PPL: variants seen among roughly 807,000 people sequenced by gnomAD.
PPL encodes the protein periplakin, also known as 190 kDa paraneoplastic pemphigus antigen.
In PPL, 198 loss-of-function variants were observed where a neutral mutation model predicts 194.4. That is an observed-to-expected ratio of 1.02 (90% CI 0.91 to 1.15). The LOEUF is 1.15. PPL is among the 50% of genes most tolerant of loss of function. PPL has a pLI of 0.00. For synonymous variants in PPL, 1,220 were observed against 972.4 expected, an observed-to-expected ratio of 1.25 and a Z score of -4.74; for missense variants, 2,885 against 2,294.8, an observed-to-expected ratio of 1.26 and a Z score of -5.25.
Position 4,884,613 on chromosome 16 carries a change from C to A in PPL, c.4042G>T (p.Glu1348Ter). Reference protein sequence around the residue: ...RKEEELSRVKERVVQQEVVRY... With the variant: ...RKEEELSRVK Reference sequence around the variant, plus strand: ...ACCACCTCCTGCTGCACCACCCTTTCCTTCACCCGCGAGAGCTCCTCCTCT... The same window carrying A: ...ACCACCTCCTGCTGCACCACCCTTTACTTCACCCGCGAGAGCTCCTCCTCT... Residue 1348 changes from glutamate (E) to a stop codon, truncating the protein, a stop_gained, in exon 22 of 22, where the codon GAA becomes TAA. Transcript: ENST00000345988. LOFTEE classifies it high-confidence loss of function. This position sits in a 1 kb window ranked among gnomAD's most constrained non-coding sequence, Gnocchi z 5.7. The A allele has an allele frequency of 1.9e-6, 3 of 1,614,192 alleles. No homozygotes were observed. The highest frequency in any genetic ancestry group is 2.5e-6 in the Non-Finnish European group (3 of 1,180,032).
intron 1 of PPL, among the ~76,000 whole-genome samples, chr16:4,914,973 G>A (rs149299514): frequency 3.3e-5 from 5 of 152,290 alleles, no homozygotes; most frequent in South Asian, 2.1e-4. Context: ...ACCTAGAGGC[G>A]GTGAGTCTCA....
In PPL at chr16:4,902,439, C is replaced by T; in HGVS notation, c.405G>A (p.Gln135=). The stretch of plus-strand genomic sequence containing the variant: ...CCTCCACCAGTGCCGCCCAGTTGAC[C>T]TGTGGATCCACTTCCTTCACCGCCA... The part of the protein sequence containing the change: ...YRLAVKEVDP[Q]VNWAALVEEK... The change falls in exon 4 of 22, where the codon CAG becomes CAA. Residue 135 remains glutamine, a synonymous_variant. Coordinates refer to ENST00000345988, the MANE Select transcript of PPL (RefSeq NM_002705.5). The surrounding 1 kb of genome is among the most constrained non-coding windows in gnomAD (Gnocchi z 4.0). 6.2e-7 allele frequency: 1 copy of T among 1,614,128 alleles called. No homozygotes were observed. Among genetic ancestry groups the T allele is most frequent in the South Asian group, 1.1e-5 (1 of 91,054 alleles).
At position 4,885,114 on chromosome 16, in the gene PPL, C is replaced by A. The variant is rs777201772; in HGVS notation, c.3541G>T (p.Asp1181Tyr). The A allele has an allele frequency of 6.2e-7, 1 of 1,613,958 alleles. No homozygotes were observed. The highest frequency in any genetic ancestry group is 8.5e-7 in the Non-Finnish European group (1 of 1,180,020). The change falls in exon 22 of 22, where the codon GAC becomes TAC. Residue 1181 changes from aspartate to tyrosine, a missense_variant. By Grantham distance (160) the Asp-to-Tyr change is radical. Coordinates refer to ENST00000345988, the MANE Select transcript of PPL (RefSeq NM_002705.5). This position sits in a 1 kb window ranked among gnomAD's most constrained non-coding sequence, Gnocchi z 6.3. ...GCCACTTCACTTTCCGCCTTGGGGT[C>A]TGGCCGCACGATCTCCCGCACCTTC... Reference protein sequence around the residue: ...QEKVREIVRPDPKAESEVANL... With the variant: ...QEKVREIVRPYPKAESEVANL...
chr16:4,887,528 G>T (rs1247977776), intron 20 of PPL, among the ~76,000 whole-genome samples: 1 of 152,172 alleles, frequency 6.6e-6, no homozygotes, highest in Admixed American at 6.5e-5. Context: ...GCCCTCCACT[G>T]TACTTACTGA....
At position 4,894,493 on chromosome 16, in the gene PPL, G is replaced by T. The variant is rs370950751; in HGVS notation, c.1368C>A (p.Asp456Glu). The T allele has an allele frequency of 1.2e-4, 187 of 1,613,802 alleles. No individual in the cohort carries two copies. Among genetic ancestry groups the T allele is most frequent in the Non-Finnish European group, 1.5e-4 (180 of 1,179,986 alleles). The change falls in exon 12 of 22, where the codon GAC becomes GAA. Residue 456 changes from aspartate (D) to glutamate (E), a missense_variant. Transcript: ENST00000345988. ...PAVCFVIPPT[D>E]PEALALADSL... ...TGTCAGCCAGAGCCAGGGCCTCAGG[G>T]TCTGTGGGGGGGATCACAAAACACA...
rs776347982 is a variant in PPL at position 4,883,418 on chromosome 16, T to C, written c.5237A>G (p.Gln1746Arg). 1.2e-6 allele frequency: 2 copies of C among 1,614,192 alleles called. No homozygotes were observed. The highest frequency in any genetic ancestry group is 1.3e-5 in the African/African-American group (1 of 75,058). ...CCCAGATACCAAGACCGCCAGCTCC[T>C]GGATGGACATATCCTTGTTGACATA... ...DRYVNKDMSI[Q>R]ELAVLVSGQK Residue 1746 changes from glutamine (Q) to arginine (R), a missense_variant, in exon 22 of 22, where the codon CAG becomes CGG. Coordinates refer to ENST00000345988, the MANE Select transcript of PPL (RefSeq NM_002705.5). This position sits in a 1 kb window ranked among gnomAD's most constrained non-coding sequence, Gnocchi z 4.8.
chr16:4,883,981 T>G lies in PPL; in HGVS notation c.4674A>C (p.Leu1558=), dbSNP rs1046162811. 1.1e-5 allele frequency: 17 copies of G among 1,614,120 alleles called. No individual in the cohort carries two copies. Among genetic ancestry groups the G allele is most frequent in the Non-Finnish European group, 1.4e-5 (17 of 1,180,028 alleles). ...TGTGGTTCTCTTCCCTCAGAAAGTC[T>G]AGTTCCTTGGATGACTTGGAGTTAT... The part of the protein sequence containing the change: ...EFHNSKSSKE[L]DFLREENHKL... The change falls in exon 22 of 22, where the codon CTA becomes CTC. Residue 1558 remains leucine (L), a synonymous_variant. Transcript: ENST00000345988. The surrounding 1 kb of genome is among the most constrained non-coding windows in gnomAD (Gnocchi z 4.8).
intron 1 of PPL, among the ~76,000 whole-genome samples, chr16:4,918,933 G>T (rs952944187): frequency 6.6e-5 from 10 of 152,074 alleles, no homozygotes; most frequent in African/African-American, 2.4e-4. Context: ...GTAATGAGCC[G>T]CATCGGGGCA....
At position 4,900,948 on chromosome 16, in the gene PPL, C is replaced by G. The variant is rs1190393541; in HGVS notation, c.564+16G>C. 1.9e-6 allele frequency: 3 copies of G among 1,614,076 alleles called. No homozygotes were observed. The highest frequency in any genetic ancestry group is 2.5e-6 in the Non-Finnish European group (3 of 1,179,990). On this transcript the variant is annotated intron_variant, in intron 5 of 21. Transcript: ENST00000345988. The stretch of plus-strand genomic sequence containing the variant: ...CCTCCATCCCTGGGTCCCCACCACA[C>G]CAGCACACGCCCCACCTTGTCCCCG...
chr16:4,893,343 A>G lies in PPL; in HGVS notation c.1520T>C (p.Leu507Pro). ...GDASDLQGRQ[L>P]LAGLDKVASD... The stretch of plus-strand genomic sequence containing the variant: ...GGCCACCTTGTCCAAGCCAGCCAGC[A>G]GCTGCCGCCCCTGTAGGTCAGAGGC... The change falls in exon 14 of 22, where the codon CTG (leucine) becomes CCG (proline). Residue 507 changes from leucine (L) to proline (P), a missense_variant. Leu to Pro is a moderately conservative substitution (Grantham distance 98). Coordinates refer to ENST00000345988, the MANE Select transcript of PPL (RefSeq NM_002705.5). The G allele has an allele frequency of 6.2e-7, 1 of 1,608,266 alleles. No individual in the cohort carries two copies. Among genetic ancestry groups the G allele is most frequent in the Non-Finnish European group, 8.5e-7 (1 of 1,179,804 alleles).
rs371990143 is a variant in PPL, at chr16:4,883,855, G to A, written c.4800C>T (p.Thr1600=). ...ATETRDLRNM[T]VADSGTNHDS... ...CATGGTTGGTCCCAGAGTCCGCCAC[G>A]GTCATGTTCCGCAGGTCTCGTGTTT... The change falls in exon 22 of 22, where the codon ACC becomes ACT. Residue 1600 remains threonine (T), a synonymous_variant. Coordinates refer to ENST00000345988, the MANE Select transcript of PPL (RefSeq NM_002705.5). The surrounding 1 kb of genome is among the most constrained non-coding windows in gnomAD (Gnocchi z 4.8). 1.7e-5 allele frequency: 27 copies of A among 1,613,946 alleles called. No individual in the cohort carries two copies. In the African/African-American group the frequency reaches 2.3e-4, roughly 14 times the overall value.
At position 4,883,784 on chromosome 16, in the gene PPL, C is replaced by G; in HGVS notation, c.4871G>C (p.Arg1624Thr). 6.2e-7 allele frequency: 1 copy of G among 1,614,120 alleles called. No homozygotes were observed. The highest frequency in any genetic ancestry group is 8.5e-7 in the Non-Finnish European group (1 of 1,180,042). ...CTCGAGGTCTTTGTCCTTGGAGAGC[C>G]TCTTGAGGTCATCCAGTTCCCTCTC... ...SLERELDDLK[R>T]LSKDKDLEID... The change falls in exon 22 of 22, where the codon AGG becomes ACG. Residue 1624 changes from arginine (R) to threonine (T), a missense_variant. Transcript: ENST00000345988. The surrounding 1 kb of genome is among the most constrained non-coding windows in gnomAD (Gnocchi z 4.8).
chr16:4,927,812 G>C (rs9302783), intron 1 of PPL, among the ~76,000 whole-genome samples: 27,024 of 152,246 alleles, frequency 0.18, 2,781 homozygotes, highest in African/African-American at 0.27. Context: ...ATGGGGCCTA[G>C]GGTTCTGTGT....
At chr16:4,898,630 G>A (rs1320400176) in intron 8 of PPL, among the ~76,000 whole-genome samples, 1 of 152,174 alleles carries the variant, frequency 6.6e-6, no homozygotes, top group Non-Finnish European at 1.5e-5. Context: ...GGAAGAGCAA[G>A]GAAGGCACAT....
At chr16:4,935,365 T>C (rs926003651) in intron 1 of PPL, among the ~76,000 whole-genome samples, 1 of 152,068 alleles carries the variant, frequency 6.6e-6, no homozygotes, top group Admixed American at 6.6e-5. Context: ...TGTGGGTGTC[T>C]GCATGTGTGA....
In PPL at chr16:4,937,001, G is replaced by A; in HGVS notation, c.45C>T (p.Pro15=). 6.4e-7 allele frequency: 1 copy of A among 1,559,462 alleles called. No homozygotes were observed. Among genetic ancestry groups the A allele is most frequent in the Non-Finnish European group, 8.7e-7 (1 of 1,152,916 alleles). ...FRKRNKGKYS[P]TVQTRSISNK... is the part of the protein sequence containing the mutation. ...CTCCTCACCTCCGGGTCTGCACAGT[G>A]GGGCTGTATTTGCCTTTGTTTCTCT... Residue 15 remains proline (P), a synonymous_variant, in exon 1 of 22, where the codon CCC becomes CCT. Coordinates refer to ENST00000345988, the MANE Select transcript of PPL (RefSeq NM_002705.5).
In PPL at chr16:4,885,403, C is replaced by T. The variant is rs1359152810; in HGVS notation, c.3252G>A (p.Arg1084=). The change falls in exon 22 of 22, where the codon AGG becomes AGA. Residue 1084 remains arginine, a synonymous_variant. Coordinates refer to ENST00000345988, the MANE Select transcript of PPL (RefSeq NM_002705.5). The surrounding 1 kb of genome is among the most constrained non-coding windows in gnomAD (Gnocchi z 6.3). The part of the protein sequence containing the change: ...QEDHQRQDQL[R]EKQEEELSFL... The stretch of plus-strand genomic sequence containing the variant: ...AGCTCAGCTCCTCCTCCTGCTTCTC[C>T]CTGAGCTGGTCCTGGCGCTGGTGGT... 1 of 1,612,966 alleles carries T rather than the reference C, an allele frequency of 6.2e-7. No homozygotes were observed. The highest frequency in any genetic ancestry group is 1.7e-5 in the Admixed American group (1 of 60,014).
intron 1 of PPL, among the ~76,000 whole-genome samples, chr16:4,915,499 G>A (rs985933215): frequency 6.6e-6 from 1 of 152,222 alleles, no homozygotes; most frequent in African/African-American, 2.4e-5. Context: ...AAGTCCCCGG[G>A]GAGGTTGGTG....
At chr16:4,907,839 T>C (rs1297143668) in intron 2 of PPL, among the ~76,000 whole-genome samples, 4 of 152,072 alleles carry the variant, frequency 2.6e-5, no homozygotes, top group African/African-American at 4.8e-5. Flanking sequence ...CCTAGCTTCT[T>C]TTTTCAAGTG....
Sources: gnomAD v4.1 joint callset for allele counts (sites outside exome capture counted in the v4.1 genomes callset) on GRCh38, gnomAD v4.1.1 for gene constraint, Gnocchi (gnomAD v3.1) non-coding constraint, MANE v1.5 for transcripts, NCBI Gene and HGNC (gene_info 2026-07-23, HGNC 2026-07-21) for gene names.